Variants in ZBTB20 observed in about 807,000 individuals in gnomAD.
ZBTB20 encodes the protein zinc finger and BTB domain containing 20, also known as zinc finger and BTB domain-containing protein 20.
ZBTB20 carries 9 observed loss-of-function variants against 56.9 expected under a neutral mutation model. The observed-to-expected ratio is 0.16, with a 90% CI of 0.10 to 0.28. The LOEUF (loss-of-function observed/expected upper bound fraction) is 0.28. Among genes scored for constraint, ZBTB20 ranks in the 10% least tolerant of loss-of-function variants. ZBTB20 has a pLI of 1.00. For synonymous variants in ZBTB20, 417 were observed against 420.7 expected (o/e 0.99, Z 0.11); for missense variants, 655 against 1,003.0 (o/e 0.65, Z 4.69).
At chr3:114,526,240 T>C (rs1338163344) in intron 6 of ZBTB20, among the ~76,000 whole-genome samples, 1 of 152,162 alleles carries the variant, frequency 6.6e-6, no homozygotes, top group African/African-American at 2.4e-5. Context: ...TTTAGAATAT[T>C]TTCTCAAATA....
intron 6 of ZBTB20, among the ~76,000 whole-genome samples, chr3:114,683,749 C>A (rs2062136076): frequency 1.3e-5 from 2 of 151,986 alleles, no homozygotes; most frequent in South Asian, 2.1e-4. Context: ...GATCTCCCAG[C>A]ATTGGAAAAG....
chr3:114,349,892 G>A (rs1368389711), intron 11 of ZBTB20, among the ~76,000 whole-genome samples: 1 of 152,220 alleles, frequency 6.6e-6, no homozygotes, highest in East Asian at 1.9e-4. Flanking sequence ...AGGTTTAGTA[G>A]TAGCTAAGCC....
chr3:114,820,982 C>A (rs1190961141), intron 4 of ZBTB20, among the ~76,000 whole-genome samples: 1 of 152,044 alleles, frequency 6.6e-6, no homozygotes, highest in Non-Finnish European at 1.5e-5. Context: ...TTAGACAATA[C>A]CAAGGAAAAC....
chr3:115,098,409 C>T (rs895547981), intron 1 of ZBTB20, among the ~76,000 whole-genome samples: 4 of 151,852 alleles, frequency 2.6e-5, no homozygotes, highest in African/African-American at 9.7e-5. Context: ...TTTGGGTCAC[C>T]GTCAGAAATG....
chr3:115,022,526 C>T (rs1288976604), intron 2 of ZBTB20, among the ~76,000 whole-genome samples: 2 of 150,964 alleles, frequency 1.3e-5, no homozygotes, highest in Non-Finnish European at 3.0e-5. Context: ...AACTTAGAGC[C>T]ATGTTTACCT....
At chr3:114,609,781 G>A (rs147615689) in intron 6 of ZBTB20, among the ~76,000 whole-genome samples, 32 of 152,254 alleles carry the variant, frequency 2.1e-4, no homozygotes, top group African/African-American at 7.5e-4. Flanking sequence ...GAATCCACCA[G>A]GATCAGACAG....
intron 4 of ZBTB20, among the ~76,000 whole-genome samples, chr3:114,893,301 G>A (rs1235181326): frequency 6.6e-6 from 1 of 152,126 alleles, no homozygotes; most frequent in Non-Finnish European, 1.5e-5. Context: ...AGAGGAATGG[G>A]CAGCTCTCCA....
intron 4 of ZBTB20, among the ~76,000 whole-genome samples, chr3:114,875,240 A>G (rs2076150477): frequency 1.3e-5 from 2 of 152,148 alleles, no homozygotes; most frequent in Non-Finnish European, 2.9e-5. Context: ...ATTAAAAAGA[A>G]ATAATAATAA....
chr3:114,785,113 A>C (rs958392414), intron 5 of ZBTB20, among the ~76,000 whole-genome samples: 5 of 152,184 alleles, frequency 3.3e-5, no homozygotes, highest in African/African-American at 1.2e-4. Context: ...CACACACACA[A>C]AATGGATCTA....
chr3:115,038,635 TAAACA>T (rs2081026718), intron 2 of ZBTB20, among the ~76,000 whole-genome samples: 1 of 152,146 alleles, frequency 6.6e-6, no homozygotes. Context: ...AAATTTTGCC[TAAACA>T]AGTTTATCCC....
chr3:114,967,694 C>T (rs559050918), intron 3 of ZBTB20, among the ~76,000 whole-genome samples: 77 of 137,156 alleles, frequency 5.6e-4, no homozygotes, highest in African/African-American at 9.4e-4. Flanking sequence ...CAGTGGCTCA[C>T]GCCTGTAATC....
At chr3:114,517,906 T>C (rs1392651233) in intron 6 of ZBTB20, among the ~76,000 whole-genome samples, 1 of 152,110 alleles carries the variant, frequency 6.6e-6, no homozygotes, top group Non-Finnish European at 1.5e-5. Flanking sequence ...GCTTACTGTA[T>C]ACCAGGCCCT....
At chr3:114,709,870 G>A (rs182876841) in intron 5 of ZBTB20, among the ~76,000 whole-genome samples, 42 of 152,148 alleles carry the variant, frequency 2.8e-4, no homozygotes, top group Admixed American at 5.2e-4. Flanking sequence ...TCCTTGCTCC[G>A]TCATAAAGAG....
rs888831467 is a variant in ZBTB20 at position 114,532,309 on chromosome 3, T to A, written c.-294-31918A>T. Among the ~76,000 whole-genome samples the A allele has an allele frequency of 2.6e-5, 4 of 151,886 alleles. No individual in the cohort carries two copies. The South Asian group carries it at 6.3e-4, about 24-fold the overall frequency. The stretch of plus-strand genomic sequence containing the variant: ...CCCTCAAGCTTGGTGGGGGGAGGGG[T>A]GTCCACCATTACTGAGGCTTAAGTA... On this transcript the variant is annotated intron_variant, in intron 6 of 11. Coordinates refer to ENST00000675478, the MANE Select transcript of ZBTB20 (RefSeq NM_001348800.3).
chr3:114,926,675 T>A (rs774998114), intron 3 of ZBTB20, among the ~76,000 whole-genome samples: 1 of 152,186 alleles, frequency 6.6e-6, no homozygotes, highest in Non-Finnish European at 1.5e-5. Context: ...CAGAAATATA[T>A]GCCATCAAAT....
intron 2 of ZBTB20, among the ~76,000 whole-genome samples, chr3:115,041,507 C>G (rs904529051): frequency 4.6e-5 from 7 of 152,086 alleles, no homozygotes; most frequent in Non-Finnish European, 1.0e-4. Context: ...GATTCTAATG[C>G]CATTCTGTGA....
chr3:115,026,376 A>G (rs1252615486), intron 2 of ZBTB20, among the ~76,000 whole-genome samples: 1 of 150,988 alleles, frequency 6.6e-6, no homozygotes, highest in Non-Finnish European at 1.5e-5. Context: ...CAAATGCTGG[A>G]CCCCATCTCA....
intron 5 of ZBTB20, among the ~76,000 whole-genome samples, chr3:114,799,640 G>T (rs2071574556): frequency 1.3e-5 from 2 of 152,050 alleles, no homozygotes; most frequent in Non-Finnish European, 2.9e-5. Flanking sequence ...GAGTAAGAAA[G>T]AGAGAGCCCC....
intron 1 of ZBTB20, among the ~76,000 whole-genome samples, chr3:115,098,528 G>T (rs1269323504): frequency 2.0e-5 from 3 of 152,032 alleles, no homozygotes; most frequent in Non-Finnish European, 4.4e-5. Context: ...AAAAATCTCC[G>T]ACGGGACCTG....
Sources: gnomAD v4.1 joint callset for allele counts (sites outside exome capture counted in the v4.1 genomes callset) on GRCh38, gnomAD v4.1.1 for gene constraint, MANE v1.5 for transcripts, NCBI Gene and HGNC (gene_info 2026-07-23, HGNC 2026-07-21) for gene names.